The following TRERF1 variants were observed in gnomAD, a reference collection of about 807,000 sequenced individuals.
TRERF1 encodes the protein transcriptional regulating factor 1, also known as transcriptional-regulating factor 1.
Under a neutral mutation model 122.9 loss-of-function variants are expected in TRERF1, and 27 were observed. The observed-to-expected ratio is 0.22, with a 90% CI of 0.16 to 0.30. The LOEUF (loss-of-function observed/expected upper bound fraction) is 0.30, where lower values mean the gene tolerates loss of function less well. Ranked by LOEUF, TRERF1 falls within the 10% of genes least tolerant of loss-of-function variation. TRERF1 has a pLI of 1.00. For synonymous variants in TRERF1, 636 were observed against 641.7 expected, an observed-to-expected ratio of 0.99 and a Z score of 0.13; for missense variants, 1,248 against 1,560.3, an observed-to-expected ratio of 0.80 and a Z score of 3.37.
chr6:42,289,371 A>T (rs1783896661), intron 4 of TRERF1, among the ~76,000 whole-genome samples: 1 of 151,738 alleles, frequency 6.6e-6, no homozygotes, highest in African/African-American at 2.4e-5. Context: ...AAAAAAACAC[A>T]ACCCAGCAAC....
chr6:42,318,001 A>C (rs1762777479), intron 3 of TRERF1, among the ~76,000 whole-genome samples: 1 of 152,062 alleles, frequency 6.6e-6, no homozygotes, highest in Non-Finnish European at 1.5e-5. Flanking sequence ...TAAAAATACA[A>C]AAATTAGCTG....
Position 42,279,966 on chromosome 6 carries a change from A to T in TRERF1, c.-258-10118T>A, listed in dbSNP as rs141692589. 3.0e-3 allele frequency among the ~76,000 whole-genome samples: 463 copies of T among 152,228 alleles called. 7 individuals are homozygous for T. Among genetic ancestry groups the T allele is most frequent in the East Asian group, 2.9e-3 (15 of 5,176 alleles). ...AGTGATGTACAAAGTCAGTATGTAA[A>T]ATAACCGTGCAATAGTGTTCTTGTG... is the stretch of plus-strand genomic sequence containing the variant. On this transcript the variant is annotated intron_variant, in intron 4 of 17. Transcript: ENST00000372922.
chr6:42,420,258 G>A (rs544064463), intron 2 of TRERF1, among the ~76,000 whole-genome samples: 1 of 152,248 alleles, frequency 6.6e-6, no homozygotes, highest in Admixed American at 6.5e-5. Context: ...GAATCAATAG[G>A]CACTTCACTT....
chr6:42,354,010 A>G (rs1770015425), intron 3 of TRERF1, among the ~76,000 whole-genome samples: 1 of 152,226 alleles, frequency 6.6e-6, no homozygotes, highest in African/African-American at 2.4e-5. Flanking sequence ...AACGTACACA[A>G]AAGTAGCTAG....
chr6:42,296,548 C>T (rs978595797), intron 4 of TRERF1, among the ~76,000 whole-genome samples: 5 of 152,124 alleles, frequency 3.3e-5, no homozygotes, highest in African/African-American at 7.2e-5. Context: ...AATGAAGAAA[C>T]GGAAGCTCAG....
chr6:42,267,642 A>G (rs1779448575), intron 5 of TRERF1, among the ~76,000 whole-genome samples: 2 of 152,166 alleles, frequency 1.3e-5, no homozygotes, highest in South Asian at 4.1e-4. Context: ...AAAAAAAACA[A>G]AAACAAAAAT....
chr6:42,449,315 TA>T (rs1203594179), intron 2 of TRERF1, among the ~76,000 whole-genome samples: 4 of 152,236 alleles, frequency 2.6e-5, no homozygotes, highest in Non-Finnish European at 5.9e-5. Flanking sequence ...TGGACATGCC[TA>T]AAAGGGCGGA....
At position 42,382,563 on chromosome 6, in the gene TRERF1, AT is replaced by A. The variant is rs149095979; in HGVS notation, c.-453-19485del. 5.3e-3 allele frequency among the ~76,000 whole-genome samples: 802 copies of A among 152,170 alleles called. 6 individuals carry two copies. The highest frequency in any genetic ancestry group is 0.018 in the African/African-American group (741 of 41,502). ...TGTGCTGGTTGCACTTTCAACTAAA[AT>A]TCTCCATGTTTTTCCTAGGCCTCCA... On this transcript the variant is annotated intron_variant, in intron 2 of 17. Transcript: ENST00000372922.
At chr6:42,303,431 G>T (rs1786563977) in intron 3 of TRERF1, among the ~76,000 whole-genome samples, 1 of 152,188 alleles carries the variant, frequency 6.6e-6, no homozygotes, top group African/African-American at 2.4e-5. Context: ...AGCAAAGTAG[G>T]GAGGGCAGCA....
intron 2 of TRERF1, among the ~76,000 whole-genome samples, chr6:42,431,928 G>A (rs1182152393): frequency 6.6e-6 from 1 of 152,162 alleles, no homozygotes; most frequent in East Asian, 1.9e-4. Context: ...GAAGACTGAG[G>A]AAGCCCTGAA....
At chr6:42,225,974 G>C (rs552881811) in exon 18 of TRERF1, 1 of 152,142 alleles carries the variant, frequency 6.6e-6, no homozygotes, top group South Asian at 2.1e-4. Context: ...TCTTTGGGGT[G>C]GGGTAAGGGG....
chr6:42,379,739 C>T (rs1376150556), intron 2 of TRERF1, among the ~76,000 whole-genome samples: 2 of 152,146 alleles, frequency 1.3e-5, no homozygotes, highest in Admixed American at 6.5e-5. Flanking sequence ...CCATGTTGCC[C>T]ATGCTGGTCT....
intron 3 of TRERF1, among the ~76,000 whole-genome samples, chr6:42,358,783 CTTT>C (rs397886998): frequency 4.8e-4 from 60 of 125,122 alleles, no homozygotes; most frequent in East Asian, 1.6e-3. Context: ...TGACCTAAAG[CTTT>C]TTTTTTTTTT....
At chr6:42,425,241 G>A (rs1213509469) in intron 2 of TRERF1, among the ~76,000 whole-genome samples, 1 of 152,132 alleles carries the variant, frequency 6.6e-6, no homozygotes, top group Admixed American at 6.5e-5. Context: ...AGCTAAGAAT[G>A]GGTCACATAC....
At chr6:42,364,554 G>C (rs982312189) in intron 2 of TRERF1, among the ~76,000 whole-genome samples, 3 of 152,230 alleles carry the variant, frequency 2.0e-5, no homozygotes, top group East Asian at 3.8e-4. Flanking sequence ...AGAGAAAAGA[G>C]AGTTGCAAGA....
At chr6:42,414,308 T>C (rs1035373103) in intron 2 of TRERF1, among the ~76,000 whole-genome samples, 1 of 152,208 alleles carries the variant, frequency 6.6e-6, no homozygotes, top group African/African-American at 2.4e-5. Context: ...CCATAAAGTG[T>C]AGGCCTCTCT....
At chr6:42,253,333 C>T (rs551195130) in intron 13 of TRERF1, among the ~76,000 whole-genome samples, 9 of 152,308 alleles carry the variant, frequency 5.9e-5, no homozygotes, top group Non-Finnish European at 8.8e-5. Context: ...CAGTTTCTCA[C>T]AGCACATGGT....
At position 42,275,662 on chromosome 6, in the gene TRERF1, A is replaced by G. The variant is rs974598217; in HGVS notation, c.-258-5814T>C. 2.0e-5 allele frequency among the ~76,000 whole-genome samples: 3 copies of G among 152,254 alleles called. No individual in the cohort carries two copies. The highest frequency in any genetic ancestry group is 7.2e-5 in the African/African-American group (3 of 41,470). ...CCTAGAGTGGCTTGTTCCCCTCTGC[A>G]GGTCCCATGCCTCTGACATGGACTA... is the stretch of plus-strand genomic sequence containing the variant. On this transcript the variant is annotated intron_variant, in intron 4 of 17. Coordinates refer to ENST00000372922, the Ensembl canonical transcript of TRERF1. This position sits in a 1 kb window ranked among gnomAD's most constrained non-coding sequence, Gnocchi z 4.1.
In TRERF1 at chr6:42,259,339, T is replaced by A. The variant is rs938873852; in HGVS notation, c.2269A>T (p.Asn757Tyr). 1.3e-6 allele frequency: 2 copies of A among 1,498,504 alleles called. No individual in the cohort carries two copies. Among genetic ancestry groups the A allele is most frequent in the Admixed American group, 4.6e-5 (2 of 43,100 alleles). The allele number at this position is 1,498,504 out of a possible 1,614,324, so 92.8% of individuals were successfully genotyped here. ...GGAGGACGCTAAAGGGGTGACTCAC[T>A]GGAGCGACACAGCAGCACCCGTGGT... The change falls in exon 9 of 18, where the codon AAC becomes TAC. Residue 757 changes from asparagine (N) to tyrosine (Y), a missense_variant and splice_region_variant. Physicochemically the swap from Asn to Tyr is moderately radical, Grantham distance 143 (BLOSUM62 -2). This residue lies in a region of TRERF1 where 946 missense variants were observed against 1,073.0 expected (regional missense o/e 0.88). Transcript: ENST00000372922. The surrounding 1 kb of genome is among the most constrained non-coding windows in gnomAD (Gnocchi z 4.9).
Sources: gnomAD v4.1 joint callset for allele counts (sites outside exome capture counted in the v4.1 genomes callset) on GRCh38, gnomAD v4.1.1 for gene constraint, gnomAD v4.1.1 regional missense constraint, Gnocchi (gnomAD v3.1) non-coding constraint, MANE v1.5 for transcripts, NCBI Gene and HGNC (gene_info 2026-07-23, HGNC 2026-07-21) for gene names.